Variants in PIGN observed in about 807,000 individuals in gnomAD.
The protein encoded by PIGN is phosphatidylinositol glycan anchor biosynthesis class N.
PIGN carries 117 observed loss-of-function variants against 125.4 expected under a neutral mutation model. The ratio of observed to expected loss-of-function variants is 0.93; its 90% confidence interval spans 0.80 to 1.09. The LOEUF (loss-of-function observed/expected upper bound fraction) is 1.09, where lower values mean the gene tolerates loss of function less well. Ranked by LOEUF, PIGN falls within the 50% of genes least tolerant of loss-of-function variation. The probability of loss-of-function intolerance (pLI) is 0.00; values close to 1 mark genes in which losing one functional copy is unlikely to be tolerated. For synonymous variants in PIGN, 392 were observed against 377.8 expected (o/e 1.04, Z -0.44); for missense variants, 1,075 against 1,094.9 (o/e 0.98, Z 0.26).
chr18:62,020,934 C>G (rs2030047360), intron 23 of PIGN, among the ~76,000 whole-genome samples: 1 of 149,282 alleles, frequency 6.7e-6, no homozygotes, highest in African/African-American at 2.5e-5. Flanking sequence ...GCACACTAGC[C>G]TGGGCGACTG....
chr18:62,143,232 T>C, intron 11 of PIGN, 74 bp downstream of exon 11: 1 of 766,372 alleles, frequency 1.3e-6, no homozygotes, highest in Non-Finnish European at 2.2e-6. Context: ...TATTATCTCT[T>C]TTTCATAGTT....
chr18:62,143,617 G>C (rs1437874982), intron 10 of PIGN, among the ~76,000 whole-genome samples: 1 of 152,140 alleles, frequency 6.6e-6, no homozygotes, highest in African/African-American at 2.4e-5. Context: ...AAACATCAGA[G>C]GCTGAGGAAG....
rs55951317 is a variant in PIGN at position 62,140,314 on chromosome 18, T to TAA, written c.1023+104_1023+105dup. Reference sequence around the variant, plus strand: ...CTGGGCAACATAGCAAGACCCCATCTAAAAAAAAAACCCAGATTATTCAGA... The same window carrying TAA: ...CTGGGCAACATAGCAAGACCCCATCTAAAAAAAAAAAACCCAGATTATTCAGA... On this transcript the variant is annotated intron_variant, in intron 12 of 30. Transcript: ENST00000640252. The TAA allele has an allele frequency of 6.8e-3, 3,158 of 461,490 alleles. 1 individual carries two copies. The highest frequency in any genetic ancestry group is 9.7e-3 in the Middle Eastern group (15 of 1,550). 28.6% of individuals were successfully genotyped at this position (461,490 alleles called of 1,614,324 possible).
intron 11 of PIGN, among the ~76,000 whole-genome samples, chr18:62,141,638 C>T (rs1057239896): frequency 6.6e-6 from 1 of 152,220 alleles, no homozygotes; most frequent in Non-Finnish European, 1.5e-5. Context: ...CCTTTTCCCT[C>T]AGAATCCACT....
Position 62,164,474 on chromosome 18 carries a change from C to T in PIGN, c.-235-818G>A, listed in dbSNP as rs145834650. On this transcript the variant is annotated intron_variant, in intron 1 of 30. Transcript: ENST00000640252. The stretch of plus-strand genomic sequence containing the variant: ...GTAGAAGACAAAGGAGAAGCAAGCA[C>T]GCCTTACCATGGCAGAGCAAAAGAG... 9.8e-4 allele frequency among the ~76,000 whole-genome samples: 149 copies of T among 152,246 alleles called. 1 individual carries two copies. Among genetic ancestry groups the T allele is most frequent in the African/African-American group, 3.4e-3 (143 of 41,554 alleles).
intron 23 of PIGN, among the ~76,000 whole-genome samples, chr18:62,030,972 C>T (rs1206473813): frequency 1.3e-5 from 2 of 152,106 alleles, no homozygotes; most frequent in African/African-American, 2.4e-5. Context: ...CAGTGAGACC[C>T]TGTCTCTAAA....
intron 1 of PIGN, among the ~76,000 whole-genome samples, chr18:62,167,041 C>T (rs1465214353): frequency 6.6e-6 from 1 of 152,140 alleles, no homozygotes; most frequent in Non-Finnish European, 1.5e-5. Flanking sequence ...GCATTCTGCA[C>T]ATGTATCCCA....
At chr18:62,022,532 G>A (rs2030064986) in intron 23 of PIGN, among the ~76,000 whole-genome samples, 1 of 152,154 alleles carries the variant, frequency 6.6e-6, no homozygotes, top group Non-Finnish European at 1.5e-5. Context: ...GCATGGTAGT[G>A]CAGGACTATA....
intron 20 of PIGN, chr18:62,103,892 C>T (rs2034541643): frequency 6.6e-6 from 1 of 151,978 alleles, no homozygotes; most frequent in Admixed American, 6.6e-5. Flanking sequence ...TGCTTTTTTT[C>T]TCTTTCTTAA....
chr18:62,157,855 ACT>A, intron 4 of PIGN, 47 bp from the exon 5 acceptor site: 1 of 1,512,734 alleles, frequency 6.6e-7, no homozygotes. Flanking sequence ...ATGATTAGAT[ACT>A]CTCACATAAA....
chr18:62,052,850 C>G, intron 30 of PIGN: 1 of 332,086 alleles, frequency 3.0e-6, no homozygotes, highest in Non-Finnish European at 5.4e-6. Context: ...CTGGTTGTTC[C>G]TTTCCACATT....
intron 23 of PIGN, among the ~76,000 whole-genome samples, chr18:62,028,199 C>T (rs1244097767): frequency 6.6e-6 from 1 of 152,200 alleles, no homozygotes; most frequent in Non-Finnish European, 1.5e-5. Context: ...TCAGGTGCTT[C>T]ACGCCTTTAT....
At chr18:62,101,507 T>C (rs1272975323) in intron 21 of PIGN, among the ~76,000 whole-genome samples, 1 of 152,222 alleles carries the variant, frequency 6.6e-6, no homozygotes, top group Non-Finnish European at 1.5e-5. Flanking sequence ...CTGGATACAT[T>C]CTGTCAAAGC....
chr18:62,147,917 A>ATCTTG (rs2036393334), intron 8 of PIGN, among the ~76,000 whole-genome samples: 1 of 152,114 alleles, frequency 6.6e-6, no homozygotes, highest in African/African-American at 2.4e-5. Flanking sequence ...GATTCACTGA[A>ATCTTG]AATATTTCTA....
chr18:62,048,389 C>A (rs904690059), intron 30 of PIGN, among the ~76,000 whole-genome samples: 1 of 152,056 alleles, frequency 6.6e-6, no homozygotes, highest in African/African-American at 2.4e-5. Context: ...CACACAAAGA[C>A]ACATCAAATT....
intron 8 of PIGN, among the ~76,000 whole-genome samples, chr18:62,147,541 C>G (rs2036379179): frequency 6.6e-6 from 1 of 152,150 alleles, no homozygotes; most frequent in African/African-American, 2.4e-5. Context: ...CACAACTGAA[C>G]AAGGTTCATT....
At chr18:62,080,522 TG>T (rs371848544) in intron 28 of PIGN, among the ~76,000 whole-genome samples, 110 of 152,274 alleles carry the variant, frequency 7.2e-4, no homozygotes, top group African/African-American at 2.5e-3. Context: ...ATCTGCTACA[TG>T]GGGCCTTTGG....
intron 1 of PIGN, among the ~76,000 whole-genome samples, chr18:62,166,577 A>G (rs985679305): frequency 3.3e-5 from 5 of 152,220 alleles, no homozygotes; most frequent in African/African-American, 1.2e-4. Flanking sequence ...AGGATTATAA[A>G]TCATTCTATA....
At chr18:62,120,761 C>T (rs1488014048) in intron 14 of PIGN, among the ~76,000 whole-genome samples, 2 of 151,552 alleles carry the variant, frequency 1.3e-5, no homozygotes, top group Non-Finnish European at 2.9e-5. Flanking sequence ...ATTTAAAATA[C>T]TTAATTAATC....
Sources: gnomAD v4.1 joint callset for allele counts (sites outside exome capture counted in the v4.1 genomes callset) on GRCh38, gnomAD v4.1.1 for gene constraint, MANE v1.5 for transcripts, NCBI Gene and HGNC (gene_info 2026-07-23, HGNC 2026-07-21) for gene names.